Variants in GABRG3 observed in about 807,000 individuals in gnomAD.
GABRG3 encodes gamma-aminobutyric acid receptor subunit gamma-3.
A neutral mutation model predicts 48.8 loss-of-function variants in GABRG3; 25 were observed. That is an observed-to-expected ratio of 0.51 (90% CI 0.37 to 0.72). The LOEUF is 0.72. Ranked by LOEUF, GABRG3 falls within the 30% of genes least tolerant of loss-of-function variation. The pLI is 0.00. For synonymous variants in GABRG3, 227 were observed against 217.6 expected (o/e 1.04, Z -0.38); for missense variants, 394 against 577.9 (o/e 0.68, Z 3.26).
chr15:27,527,344 CGTGCTGGGGTGGAGGGATGTGG>C lies in GABRG3; in HGVS notation c.866-85_866-64del, dbSNP rs1891301367. On this transcript the variant is annotated intron_variant, in intron 7 of 9. Transcript: ENST00000615808. ...GCATCAGGGATTCCTGTAAGGCAGC[CGTGCTGGGGTGGAGGGATGTGG>C]GTGACCGTCTGGGATTCCTGTTGCG... 3.4e-6 allele frequency: 4 copies of C among 1,188,792 alleles called. No individual in the cohort carries two copies. The African/African-American group carries it at 6.1e-5, about 18-fold the overall frequency. 73.6% of individuals were successfully genotyped at this position (1,188,792 alleles called of 1,614,324 possible).
chr15:27,035,632 G>T (rs1387860973), intron 3 of GABRG3, among the ~76,000 whole-genome samples: 1 of 152,168 alleles, frequency 6.6e-6, no homozygotes. Flanking sequence ...ACCTTGACAG[G>T]TTTGCTGCAA....
chr15:27,126,079 A>T (rs1418104074), intron 3 of GABRG3, among the ~76,000 whole-genome samples: 1 of 152,216 alleles, frequency 6.6e-6, no homozygotes, highest in East Asian at 1.9e-4. Flanking sequence ...GCCTAAATCC[A>T]CGGGGAGATT....
chr15:27,122,917 G>A (rs1054285584), intron 3 of GABRG3, among the ~76,000 whole-genome samples: 5 of 152,172 alleles, frequency 3.3e-5, no homozygotes, highest in African/African-American at 7.2e-5. Flanking sequence ...AAAGCAAGCC[G>A]GGAAATTGTT....
chr15:27,529,128 TC>T (rs1301957232), intron 9 of GABRG3, among the ~76,000 whole-genome samples: 1 of 152,222 alleles, frequency 6.6e-6, no homozygotes, highest in Non-Finnish European at 1.5e-5. Context: ...CTCTGTGTTT[TC>T]ATGTATCAAC....
chr15:27,085,233 T>C (rs1187987165), intron 3 of GABRG3, among the ~76,000 whole-genome samples: 1 of 152,230 alleles, frequency 6.6e-6, no homozygotes, highest in East Asian at 1.9e-4. Flanking sequence ...ATCTCTAGGC[T>C]GTGATCTTGT....
rs146583547 is a variant in GABRG3, at chr15:27,484,332, A to G, written c.712+3545A>G. Among the ~76,000 whole-genome samples, 344 of 152,358 alleles carry G rather than the reference A, an allele frequency of 2.3e-3. 1 individual carries two copies. The highest frequency in any genetic ancestry group is 4.2e-3 in the Non-Finnish European group (284 of 68,038). The stretch of plus-strand genomic sequence containing the variant: ...CATTTTTTTATTCTGATAATTTAAA[A>G]TATCTGTAGGCTTACCGACACTGAG... On this transcript the variant is annotated intron_variant, in intron 6 of 9. Transcript: ENST00000615808.
Position 27,145,603 on chromosome 15 carries a change from C to CTATCTCTA in GABRG3, c.270+118783_270+118784insATCTCTAT, listed in dbSNP as rs1555405976. On this transcript the variant is annotated intron_variant, in intron 3 of 9. Coordinates refer to ENST00000615808, the MANE Select transcript of GABRG3 (RefSeq NM_033223.5). ...ACTAGGCATATATACATATATCTAT[C>CTATCTCTA]TCTATCTATCTATCTATCTATCTAT... Among the ~76,000 whole-genome samples the CTATCTCTA allele has an allele frequency of 2.7e-4, 28 of 102,388 alleles. No homozygotes were observed. In the East Asian group the frequency reaches 5.5e-3, roughly 20 times the overall value. The allele number at this position is 102,388 out of a possible 152,430, so 67.2% of individuals were successfully genotyped here.
In GABRG3 at chr15:27,041,286, G is replaced by A. The variant is rs543381767; in HGVS notation, c.270+14465G>A. ...CAACCTCCTCCTCCCAGACTCAAGC[G>A]ATCTTCTTACCTCAGCCTCCCAAGT... is the stretch of plus-strand genomic sequence containing the variant. On this transcript the variant is annotated intron_variant, in intron 3 of 9. Transcript: ENST00000615808. 6.1e-4 allele frequency among the ~76,000 whole-genome samples: 93 copies of A among 152,214 alleles called. 1 individual carries two copies. Among genetic ancestry groups the A allele is most frequent in the African/African-American group, 2.2e-3 (91 of 41,520 alleles).
At chr15:27,316,204 G>A (rs943181226) in intron 3 of GABRG3, among the ~76,000 whole-genome samples, 7 of 151,936 alleles carry the variant, frequency 4.6e-5, no homozygotes, top group African/African-American at 1.7e-4. Context: ...CTAAAAAAAC[G>A]GTGAAACCCC....
chr15:27,517,253 TTGTC>T (rs1212496160), intron 6 of GABRG3, among the ~76,000 whole-genome samples: 1 of 151,872 alleles, frequency 6.6e-6, no homozygotes, highest in African/African-American at 2.4e-5. Context: ...CACTGGGACT[TTGTC>T]TGATGCTGCC....
intron 3 of GABRG3, among the ~76,000 whole-genome samples, chr15:27,064,022 A>C (rs1253935023): frequency 6.6e-6 from 1 of 152,126 alleles, no homozygotes; most frequent in African/African-American, 2.4e-5. Flanking sequence ...CAACCAAGCA[A>C]CTGTTTTTGG....
Position 27,354,637 on chromosome 15 carries a change from A to AT in GABRG3, c.574+25754dup, listed in dbSNP as rs539952712. 1.0e-3 allele frequency among the ~76,000 whole-genome samples: 159 copies of AT among 152,312 alleles called. 1 individual carries two copies. Among genetic ancestry groups the AT allele is most frequent in the African/African-American group, 3.7e-3 (153 of 41,578 alleles). On this transcript the variant is annotated intron_variant, in intron 5 of 9. Transcript: ENST00000615808. ...TTAAGAAATGCTGATGCATTTTCTG[A>AT]TTTTTATGGGTTGCAGTAGCAGTAT...
chr15:27,108,844 T>C (rs927094071), intron 3 of GABRG3, among the ~76,000 whole-genome samples: 1 of 151,830 alleles, frequency 6.6e-6, no homozygotes, highest in Non-Finnish European at 1.5e-5. Flanking sequence ...TTTCTAATAA[T>C]TTTTTTTGTT....
intron 3 of GABRG3, among the ~76,000 whole-genome samples, chr15:27,056,158 G>A (rs1368069904): frequency 6.6e-6 from 1 of 151,788 alleles, no homozygotes; most frequent in Non-Finnish European, 1.5e-5. Context: ...AGATCAGCCT[G>A]GGCAACATGG....
At chr15:27,266,819 T>C in intron 3 of GABRG3, among the ~76,000 whole-genome samples, 1 of 152,318 alleles carries the variant, frequency 6.6e-6, no homozygotes, top group South Asian at 2.1e-4. Flanking sequence ...TTTGAACTTC[T>C]AATTGTTTGT....
At chr15:27,443,054 C>T (rs1888838454) in intron 5 of GABRG3, among the ~76,000 whole-genome samples, 1 of 152,110 alleles carries the variant, frequency 6.6e-6, no homozygotes, top group Admixed American at 6.5e-5. Context: ...GCCCTAACCC[C>T]CAGTACTTCA....
chr15:27,525,176 A>G (rs534297350), intron 7 of GABRG3, among the ~76,000 whole-genome samples: 1 of 104,700 alleles, frequency 9.6e-6, no homozygotes, highest in South Asian at 3.0e-4. Flanking sequence ...CATTGTGCTG[A>G]ATGAAAAAAA....
In GABRG3 at chr15:26,977,145, T is replaced by C. The variant is rs1220252087; in HGVS notation, c.197T>C (p.Ile66Thr). The change falls in exon 2 of 10, where the codon ATT (isoleucine) becomes ACT (threonine). Residue 66 changes from isoleucine to threonine, a missense_variant. Physicochemically the swap from Ile to Thr is moderately conservative, Grantham distance 89. Around this residue, in one of 3 missense-constraint regions of GABRG3, gnomAD observed 218 missense variants for 309.9 expected, o/e 0.70. Transcript: ENST00000615808. ...TATGATAAAAAGCTGAGGCCAGATA[T>C]TGGAAGTGAGTGTTGTTTTTTGTTA... ...REYDKKLRPD[I>T]GIKPTVIDVD... is the part of the protein sequence containing the mutation. The C allele has an allele frequency of 6.8e-6, 11 of 1,610,908 alleles. No individual in the cohort carries two copies. Among genetic ancestry groups the C allele is most frequent in the Admixed American group, 1.7e-5 (1 of 59,386 alleles).
intron 3 of GABRG3, among the ~76,000 whole-genome samples, chr15:27,130,496 C>T (rs1013003355): frequency 6.6e-6 from 1 of 152,026 alleles, no homozygotes; most frequent in African/African-American, 2.4e-5. Context: ...CAACTTTGTT[C>T]TTCTTCAAGA....
Sources: gnomAD v4.1 joint callset for allele counts (sites outside exome capture counted in the v4.1 genomes callset) on GRCh38, gnomAD v4.1.1 for gene constraint, gnomAD v4.1.1 regional missense constraint, MANE v1.5 for transcripts, NCBI Gene and HGNC (gene_info 2026-07-23, HGNC 2026-07-21) for gene names.